The following KIAA0232 variants were observed in gnomAD, a reference collection of about 807,000 sequenced individuals.
The protein encoded by KIAA0232 is uncharacterized protein KIAA0232.
A neutral mutation model predicts 122.0 loss-of-function variants in KIAA0232; 27 were observed. The observed-to-expected ratio is 0.22, with a 90% CI of 0.16 to 0.31. KIAA0232 has a LOEUF of 0.31. KIAA0232 is among the 10% of genes least tolerant of loss of function. KIAA0232 has a pLI of 1.00. For synonymous variants in KIAA0232, 613 were observed against 587.6 expected (o/e 1.04, Z -0.63); for missense variants, 1,551 against 1,634.2 (o/e 0.95, Z 0.88).
chr4:6,805,505 T>C (rs1717575205), intron 2 of KIAA0232, among the ~76,000 whole-genome samples: 1 of 152,208 alleles, frequency 6.6e-6, no homozygotes, highest in African/African-American at 2.4e-5. Context: ...GTGGCTTTTA[T>C]AGTAATTTTA....
chr4:6,809,667 T>C (rs753901588), intron 2 of KIAA0232, among the ~76,000 whole-genome samples: 1 of 152,146 alleles, frequency 6.6e-6, no homozygotes, highest in South Asian at 2.1e-4. Context: ...AATATGCTCT[T>C]ATATCTAGAA....
chr4:6,823,537 G>A (rs1387587482), intron 2 of KIAA0232, among the ~76,000 whole-genome samples: 1 of 152,130 alleles, frequency 6.6e-6, no homozygotes, highest in Non-Finnish European at 1.5e-5. Context: ...CAGTCCTAAA[G>A]TTTCGAGCCT....
chr4:6,860,853 T>TA (rs764734209), intron 6 of KIAA0232, 48 bp from the exon 7 acceptor site: 2 of 1,525,824 alleles, frequency 1.3e-6, no homozygotes, highest in Admixed American at 2.0e-5. Context: ...TTACTGTATC[T>TA]AAAAAATCTG....
At chr4:6,840,418 G>A (rs1363310510) in intron 3 of KIAA0232, among the ~76,000 whole-genome samples, 4 of 152,204 alleles carry the variant, frequency 2.6e-5, no homozygotes, top group African/African-American at 9.7e-5. Flanking sequence ...CTGTGAGGCA[G>A]GGGCGTATGC....
intron 4 of KIAA0232, among the ~76,000 whole-genome samples, chr4:6,856,190 G>C (rs1720559283): frequency 1.3e-5 from 2 of 152,132 alleles, no homozygotes; most frequent in African/African-American, 4.8e-5. Flanking sequence ...TAAGTGAATG[G>C]GGTAAAGTTC....
Position 6,863,413 on chromosome 4 carries a change from A to G in KIAA0232, c.3031A>G (p.Lys1011Glu), listed in dbSNP as rs1720992579. ...QPKSGENGLN[K>E]GFSFIFHEDL... is the part of the protein sequence containing the mutation. ...GAAGAGTGGGGAAAATGGGTTAAAT[A>G]AGGGATTTTCTTTTATCTTCCATGA... The change falls in exon 7 of 10, where the codon AAG (lysine) becomes GAG (glutamate). Residue 1011 changes from lysine (K) to glutamate (E), a missense_variant. Coordinates refer to ENST00000307659, the MANE Select transcript of KIAA0232 (RefSeq NM_014743.3). 1 of 1,614,042 alleles carries G rather than the reference A, an allele frequency of 6.2e-7. No individual in the cohort carries two copies. The highest frequency in any genetic ancestry group is 8.5e-7 in the Non-Finnish European group (1 of 1,180,006).
In KIAA0232 at chr4:6,820,800, A is replaced by G. The variant is rs112541547; in HGVS notation, c.-269-3385A>G. ...CTGTCTTAGTCTGTTTTCTGTTGCT[A>G]TAACAGAATGACACAGATTAGGTAT... On this transcript the variant is annotated intron_variant, in intron 2 of 9. Transcript: ENST00000307659. Among the ~76,000 whole-genome samples the G allele has an allele frequency of 7.7e-3, 1,168 of 152,328 alleles. 14 individuals carry two copies. Among genetic ancestry groups the G allele is most frequent in the African/African-American group, 0.026 (1,084 of 41,568 alleles).
At chr4:6,793,638 TA>T (rs11321127) in intron 1 of KIAA0232, among the ~76,000 whole-genome samples, 113,637 of 152,062 alleles carry the variant, frequency 0.75, 43,337 homozygotes, top group Non-Finnish European at 0.85. Flanking sequence ...GGTGCTTTCT[TA>T]AAAAGTGGTC....
At position 6,783,824 on chromosome 4, in the gene KIAA0232, A is replaced by G. The variant is rs557391624; in HGVS notation, c.-354+983A>G. Among the ~76,000 whole-genome samples the G allele has an allele frequency of 1.2e-4, 19 of 152,244 alleles. No homozygotes were observed. The South Asian group carries it at 1.7e-3, about 13-fold the overall frequency. On this transcript the variant is annotated intron_variant, in intron 1 of 9. Coordinates refer to ENST00000307659, the MANE Select transcript of KIAA0232 (RefSeq NM_014743.3). ...CAAACCCTGTCGCGAGGGCGCCCCG[A>G]GTTGCTGCGGGGCCTGATCCGGCTC...
At chr4:6,842,796 C>T (rs764298365) in intron 4 of KIAA0232, among the ~76,000 whole-genome samples, 3 of 151,974 alleles carry the variant, frequency 2.0e-5, no homozygotes, top group Non-Finnish European at 4.4e-5. Flanking sequence ...ACCATGTTGG[C>T]CAGGCTGGTC....
chr4:6,846,489 G>A (rs1017388856), intron 4 of KIAA0232, among the ~76,000 whole-genome samples: 2 of 152,044 alleles, frequency 1.3e-5, no homozygotes, highest in East Asian at 1.9e-4. Flanking sequence ...GGGATCTAGG[G>A]TGAACGCTCC....
At chr4:6,866,851 A>G (rs1721213600) in intron 7 of KIAA0232, among the ~76,000 whole-genome samples, 1 of 152,222 alleles carries the variant, frequency 6.6e-6, no homozygotes, top group Middle Eastern at 3.2e-3. Flanking sequence ...AGCGTAGTGA[A>G]GATGACCAAC....
intron 1 of KIAA0232, among the ~76,000 whole-genome samples, chr4:6,802,375 G>A (rs1474069689): frequency 2.0e-5 from 3 of 152,212 alleles, no homozygotes; most frequent in Admixed American, 6.5e-5. Context: ...AGCAGCTGGG[G>A]CTGCATGGCC....
At position 6,881,503 on chromosome 4, in the gene KIAA0232, C is replaced by A. The variant is rs892030467; in HGVS notation, c.*537C>A. On this transcript the variant is annotated 3_prime_UTR_variant, in exon 10 of 10. Transcript: ENST00000307659. Reference sequence around the variant, plus strand: ...TTCAGCAAAATCTCATGTACATTTCCAGTAGGAACCGCAGAGGTGTGCTTT... The same window carrying A: ...TTCAGCAAAATCTCATGTACATTTCAAGTAGGAACCGCAGAGGTGTGCTTT... 4 of 152,674 alleles carry A rather than the reference C, an allele frequency of 2.6e-5. No individual in the cohort carries two copies. Among genetic ancestry groups the A allele is most frequent in the African/African-American group, 9.6e-5 (4 of 41,462 alleles). 9.5% of individuals were successfully genotyped at this position (152,674 alleles called of 1,614,324 possible). A position where few individuals can be genotyped will look rare whatever the true frequency, so the allele number is the denominator to read the frequency against.
chr4:6,846,312 C>G (rs1327162066), intron 4 of KIAA0232, among the ~76,000 whole-genome samples: 3 of 152,010 alleles, frequency 2.0e-5, no homozygotes, highest in Admixed American at 2.0e-4. Flanking sequence ...CCAGGTGTCC[C>G]CGACCCCCGG....
In KIAA0232 at chr4:6,800,043, C is replaced by CT. The variant is rs752428517; in HGVS notation, c.-353-4448dup. 6.5e-4 allele frequency among the ~76,000 whole-genome samples: 39 copies of CT among 60,074 alleles called. 5 individuals are homozygous for CT. The highest frequency in any genetic ancestry group is 1.1e-3 in the African/African-American group (17 of 15,326). The allele number at this position is 60,074 out of a possible 152,430, so 39.4% of individuals were successfully genotyped here. A position where few individuals can be genotyped will look rare whatever the true frequency, so the allele number is the denominator to read the frequency against. On this transcript the variant is annotated intron_variant, in intron 1 of 9. Transcript: ENST00000307659. ...TTTCTTTTTCTTTCTTTCTTTCTTTCTTTTTTTTTTTTTTTTTTTTTTTTT... is the reference window on the plus strand; with the variant it reads ...TTTCTTTTTCTTTCTTTCTTTCTTTCTTTTTTTTTTTTTTTTTTTTTTTTTT...
At chr4:6,865,554 G>A (rs1721129204) in intron 7 of KIAA0232, among the ~76,000 whole-genome samples, 1 of 152,228 alleles carries the variant, frequency 6.6e-6, no homozygotes, top group South Asian at 2.1e-4. Flanking sequence ...ACCTGCCTTG[G>A]CCTCCCAAAG....
intron 2 of KIAA0232, among the ~76,000 whole-genome samples, chr4:6,818,486 G>GAC (rs34245955): frequency 0.19 from 27,666 of 149,104 alleles, 2,659 homozygotes; most frequent in South Asian, 0.25. Flanking sequence ...ATTTACAATA[G>GAC]ACACACACAC....
At chr4:6,854,366 C>T (rs1034494552) in intron 4 of KIAA0232, among the ~76,000 whole-genome samples, 1 of 152,148 alleles carries the variant, frequency 6.6e-6, no homozygotes, top group African/African-American at 2.4e-5. Flanking sequence ...CAGACCCAGG[C>T]CAGCATGACT....
Sources: allele counts gnomAD v4.1 joint callset (sites outside exome capture counted in the v4.1 genomes callset), GRCh38; gene constraint gnomAD v4.1.1; transcripts MANE v1.5; gene names NCBI Gene and HGNC (gene_info 2026-07-23, HGNC 2026-07-21).